The following CLMP variants were observed in gnomAD, a reference collection of about 807,000 sequenced individuals.
The protein encoded by CLMP is CXADR-like membrane protein.
CLMP carries 27 observed loss-of-function variants against 45.2 expected under a neutral mutation model. The ratio of observed to expected loss-of-function variants is 0.60; its 90% confidence interval spans 0.44 to 0.82. CLMP has a LOEUF of 0.82. Among genes scored for constraint, CLMP ranks in the 40% least tolerant of loss-of-function variants. The probability of loss-of-function intolerance (pLI) is 0.00; values close to 1 mark genes in which losing one functional copy is unlikely to be tolerated. For synonymous variants in CLMP, 167 were observed against 171.4 expected, an observed-to-expected ratio of 0.97 and a Z score of 0.20; for missense variants, 403 against 448.4, an observed-to-expected ratio of 0.90 and a Z score of 0.91.
At chr11:123,086,800 AG>A (rs1865869779) in intron 2 of CLMP, among the ~76,000 whole-genome samples, 1 of 152,114 alleles carries the variant, frequency 6.6e-6, no homozygotes, top group Non-Finnish European at 1.5e-5. Flanking sequence ...GGTTTGCTTG[AG>A]CCCAGGAGGT....
chr11:123,073,780 G>A lies in CLMP; in HGVS notation c.822-6C>T. Reference sequence around the variant, plus strand: ...TTGGAGCTTCAGCATCTTCTCTGAAGAGAAAAAACAGCAAAGATTAACACT... The same window carrying A: ...TTGGAGCTTCAGCATCTTCTCTGAAAAGAAAAAACAGCAAAGATTAACACT... On this transcript the variant is annotated splice_polypyrimidine_tract_variant and splice_region_variant and intron_variant, in intron 6 of 6. Coordinates refer to ENST00000448775, the MANE Select transcript of CLMP (RefSeq NM_024769.5). 1 of 1,561,974 alleles carries A rather than the reference G, an allele frequency of 6.4e-7. No individual in the cohort carries two copies. Among genetic ancestry groups the A allele is most frequent in the Non-Finnish European group, 8.6e-7 (1 of 1,156,858 alleles).
At chr11:123,094,137 G>T (rs1865964296) in intron 2 of CLMP, among the ~76,000 whole-genome samples, 1 of 151,814 alleles carries the variant, frequency 6.6e-6, no homozygotes, top group Admixed American at 6.6e-5. Flanking sequence ...TTTTGAAATG[G>T]TCTCCTGTCA....
chr11:123,178,598 A>G (rs1861729113), intron 1 of CLMP, among the ~76,000 whole-genome samples: 1 of 152,258 alleles, frequency 6.6e-6, no homozygotes, highest in Admixed American at 6.5e-5. Context: ...CCTGGGACAT[A>G]ACATGACCTC....
At chr11:123,084,105 A>G (rs1865836437) in intron 3 of CLMP, among the ~76,000 whole-genome samples, 1 of 152,244 alleles carries the variant, frequency 6.6e-6, no homozygotes, top group African/African-American at 2.4e-5. Flanking sequence ...TTCTCAAAGA[A>G]GACACATTAT....
At chr11:123,135,014 C>T (rs554559673) in intron 1 of CLMP, among the ~76,000 whole-genome samples, 1 of 151,526 alleles carries the variant, frequency 6.6e-6, no homozygotes, top group South Asian at 2.1e-4. Context: ...AATCCCAGCA[C>T]TTTGGGAGGC....
chr11:123,078,572 G>A (rs909340122), intron 5 of CLMP, among the ~76,000 whole-genome samples: 1 of 151,790 alleles, frequency 6.6e-6, no homozygotes, highest in Admixed American at 6.6e-5. Flanking sequence ...TCAGCCTCCC[G>A]AGTAGCTGGG....
chr11:123,193,604 C>T (rs1351169154), intron 1 of CLMP, among the ~76,000 whole-genome samples: 1 of 152,238 alleles, frequency 6.6e-6, no homozygotes, highest in Non-Finnish European at 1.5e-5. Flanking sequence ...ATTTCTCTAA[C>T]TTAAGTGATT....
rs2135530240 is a variant in CLMP, at chr11:123,156,916, T to A, written c.28+37997A>T. ...CCTTTTACTTTGTTAAGCAATTATTTTGGTTAAGATTTCTATTCAGTGGCT... is the reference window on the plus strand; with the variant it reads ...CCTTTTACTTTGTTAAGCAATTATTATGGTTAAGATTTCTATTCAGTGGCT... On this transcript the variant is annotated intron_variant, in intron 1 of 6. Coordinates refer to ENST00000448775, the MANE Select transcript of CLMP (RefSeq NM_024769.5). Among the ~76,000 whole-genome samples the A allele has an allele frequency of 2.6e-5, 4 of 152,322 alleles. No individual in the cohort carries two copies. In the South Asian group the frequency reaches 8.3e-4, roughly 32 times the overall value.
intron 1 of CLMP, among the ~76,000 whole-genome samples, chr11:123,117,667 T>G (rs571430382): frequency 1.1e-3 from 162 of 152,302 alleles, no homozygotes; most frequent in African/African-American, 3.1e-3. Flanking sequence ...CCTCAGGTGA[T>G]CCACTCGCCT....
At chr11:123,105,404 CCT>C (rs1312754180) in intron 1 of CLMP, among the ~76,000 whole-genome samples, 2,545 of 123,790 alleles carry the variant, frequency 0.021, 88 homozygotes, top group African/African-American at 0.073. Flanking sequence ...TTCCTTCCTT[CCT>C]CTCTCTCTCT....
chr11:123,097,492 C>T (rs1256325805), intron 2 of CLMP, among the ~76,000 whole-genome samples: 1 of 152,098 alleles, frequency 6.6e-6, no homozygotes, highest in Non-Finnish European at 1.5e-5. Context: ...CATAGGCCAC[C>T]ACACCCGGCT....
chr11:123,157,275 C>T lies in CLMP; in HGVS notation c.28+37638G>A, dbSNP rs183048569. 1.2e-4 allele frequency among the ~76,000 whole-genome samples: 18 copies of T among 152,218 alleles called. No individual in the cohort carries two copies. The East Asian group carries it at 2.7e-3, about 23-fold the overall frequency. On this transcript the variant is annotated intron_variant, in intron 1 of 6. Coordinates refer to ENST00000448775, the MANE Select transcript of CLMP (RefSeq NM_024769.5). Reference sequence around the variant, plus strand: ...ATCATGAATAAAGAAGAAATGAGGGCGTGGCGTGGTGGCTTATGCCTGTAA... The same window carrying T: ...ATCATGAATAAAGAAGAAATGAGGGTGTGGCGTGGTGGCTTATGCCTGTAA...
intron 1 of CLMP, among the ~76,000 whole-genome samples, chr11:123,179,028 C>A (rs539530631): frequency 9.3e-4 from 142 of 152,298 alleles, no homozygotes; most frequent in African/African-American, 3.3e-3. Context: ...TCAAGCAATC[C>A]TCCTGCCTCA....
intron 5 of CLMP, among the ~76,000 whole-genome samples, chr11:123,075,988 C>T (rs1241932777): frequency 1.3e-5 from 2 of 152,106 alleles, no homozygotes; most frequent in African/African-American, 4.8e-5. Flanking sequence ...GCCTGGCCAA[C>T]ATGGCAAAAC....
At chr11:123,134,257 TA>T (rs543288437) in intron 1 of CLMP, among the ~76,000 whole-genome samples, 281 of 142,680 alleles carry the variant, frequency 2.0e-3, no homozygotes, top group African/African-American at 1.9e-3. Context: ...GACTCTGTCT[TA>T]AAAAAAAAAA....
chr11:123,098,067 G>T, intron 1 of CLMP, 115 bp from the exon 2 acceptor site: 1 of 806,534 alleles, frequency 1.2e-6, no homozygotes, highest in South Asian at 2.5e-5. Context: ...ATGTGGAGGG[G>T]TTGCAAGAGT....
At chr11:123,128,669 GAA>G (rs940042504) in intron 1 of CLMP, among the ~76,000 whole-genome samples, 51 of 152,086 alleles carry the variant, frequency 3.4e-4, no homozygotes, top group African/African-American at 1.2e-3. Context: ...CAAAAAAAAA[GAA>G]AAAGACTGCA....
intron 1 of CLMP, among the ~76,000 whole-genome samples, chr11:123,158,392 C>T (rs1421414604): frequency 1.3e-5 from 2 of 152,250 alleles, no homozygotes; most frequent in African/African-American, 2.4e-5. Context: ...ACAGTGGTGG[C>T]GAATTCAGGA....
At chr11:123,090,865 A>G (rs1375477960) in intron 2 of CLMP, among the ~76,000 whole-genome samples, 1 of 152,182 alleles carries the variant, frequency 6.6e-6, no homozygotes, top group East Asian at 1.9e-4. Flanking sequence ...CCACCAGACC[A>G]ACTCAAAAGT....
Sources: allele counts gnomAD v4.1 joint callset (sites outside exome capture counted in the v4.1 genomes callset), GRCh38; gene constraint gnomAD v4.1.1; transcripts MANE v1.5; gene names NCBI Gene and HGNC (gene_info 2026-07-23, HGNC 2026-07-21).